The following FAT1 variants were observed in gnomAD, a reference collection of about 807,000 sequenced individuals.
The protein encoded by FAT1 is protocadherin Fat 1.
In FAT1, 171 loss-of-function variants were observed where a neutral mutation model predicts 329.8. The observed-to-expected ratio is 0.52, with a 90% CI of 0.46 to 0.59. The LOEUF (loss-of-function observed/expected upper bound fraction) is 0.59. FAT1 is among the 20% of genes least tolerant of loss of function. The pLI, the probability that FAT1 is intolerant of heterozygous loss-of-function variation, is 0.00. For missense variants in FAT1, 5,672 were observed against 5,774.4 expected (o/e 0.98, Z 0.57); for synonymous variants, 2,233 against 2,228.6 (o/e 1.00, Z -0.06).
intron 23 of FAT1, 80 bp from the exon 24 acceptor site, chr4:186,597,872 C>CCT: frequency 6.4e-7 from 1 of 1,561,500 alleles, no homozygotes; most frequent in Non-Finnish European, 8.8e-7. Context: ...CAAAACAGAA[C>CCT]ACATTAGCAA....
chr4:186,659,041 C>T (rs1283168579), intron 3 of FAT1, among the ~76,000 whole-genome samples: 1 of 152,222 alleles, frequency 6.6e-6, no homozygotes, highest in Non-Finnish European at 1.5e-5. Flanking sequence ...ACCGCACATA[C>T]GACCGTGGTT....
intron 1 of FAT1, among the ~76,000 whole-genome samples, chr4:186,713,613 T>C (rs1745070773): frequency 6.6e-6 from 1 of 152,216 alleles, no homozygotes; most frequent in Non-Finnish European, 1.5e-5. Context: ...ATATTTATAA[T>C]TCTTCTAGAA....
At position 186,706,900 on chromosome 4, in the gene FAT1, C is replaced by G. The variant is rs114279527; in HGVS notation, c.2928G>C (p.Val976=). The G allele has an allele frequency of 0.038, 61,140 of 1,613,954 alleles. 1,350 individuals are homozygous for G. The highest frequency in any genetic ancestry group is 0.055 in the Middle Eastern group (332 of 6,062). Reference sequence around the variant, plus strand: ...TCCTAACTGCTCCACTGAGTTTATCCACATCGAAGTTTCCTTCTCCGTGGT... The same window carrying G: ...TCCTAACTGCTCCACTGAGTTTATCGACATCGAAGTTTCCTTCTCCGTGGT... The part of the protein sequence containing the change: ...LLDHGEGNFD[V]DKLSGAVRIV... Residue 976 remains valine, a synonymous_variant, in exon 2 of 27, where the codon GTG becomes GTC. Transcript: ENST00000441802.
rs1374536933 is a variant in FAT1, at chr4:186,708,270, T to C, written c.1558A>G (p.Ser520Gly). 1 of 1,614,018 alleles carries C rather than the reference T, an allele frequency of 6.2e-7. No individual in the cohort carries two copies. Among genetic ancestry groups the C allele is most frequent in the Admixed American group, 1.7e-5 (1 of 60,022 alleles). Residue 520 changes from serine to glycine, a missense_variant, in exon 2 of 27, where the codon AGT (serine) becomes GGT (glycine). Ser to Gly is a moderately conservative substitution (Grantham distance 56). Transcript: ENST00000441802. ...TCGTAGTCCAGGTTTTCTGACGTAC[T>C]CACGGCACCAGTGAAATGGTCAATC... ...FAIDHFTGAV[S>G]TSENLDYELM...
rs753744492 is a variant in FAT1, at chr4:186,614,269, C to G, written c.9151G>C (p.Asp3051His). 6.2e-7 allele frequency: 1 copy of G among 1,604,128 alleles called. No homozygotes were observed. Among genetic ancestry groups the G allele is most frequent in the South Asian group, 1.1e-5 (1 of 88,726 alleles). ...LIMQISATDADIRSNAEITYT... is the reference protein window; with the variant it reads ...LIMQISATDAHIRSNAEITYT... ...GTAATTTCAGCGTTAGAGCGGATGT[C>G]TGCGTCTGTAGCAGAGATCTGCATG... The change falls in exon 12 of 27, where the codon GAC becomes CAC. Residue 3051 changes from aspartate (D) to histidine (H), a missense_variant. Physicochemically the swap from Asp to His is moderately conservative, Grantham distance 81. This residue lies in a region of FAT1 where 3,966 missense variants were observed against 3,915.2 expected (regional missense o/e 1.01). Coordinates refer to ENST00000441802, the MANE Select transcript of FAT1 (RefSeq NM_005245.4).
intron 1 of FAT1, among the ~76,000 whole-genome samples, chr4:186,716,627 A>C (rs1456732482): frequency 1.3e-5 from 2 of 152,216 alleles, no homozygotes; most frequent in Non-Finnish European, 2.9e-5. Flanking sequence ...CATGTTGCCC[A>C]GGCTGGTCTC....
Position 186,601,379 on chromosome 4 carries a change from G to C in FAT1, c.11530C>G (p.Leu3844Val). The C allele has an allele frequency of 6.2e-7, 1 of 1,613,514 alleles. No individual in the cohort carries two copies. The highest frequency in any genetic ancestry group is 8.5e-7 in the Non-Finnish European group (1 of 1,179,518). The change falls in exon 21 of 27, where the codon CTG (leucine) becomes GTG (valine). Residue 3844 changes from leucine to valine, a missense_variant. Coordinates refer to ENST00000441802, the MANE Select transcript of FAT1 (RefSeq NM_005245.4). ...TCTAATTTGTTTTCATTTTCCGTCA[G>C]ACGGTATTTCACGTAGCTGTTTCCA... Reference protein sequence around the residue: ...LTGNSYVKYRLTENENKLEMK... With the variant: ...LTGNSYVKYRVTENENKLEMK...
chr4:186,701,917 G>A (rs1158467375), intron 2 of FAT1, among the ~76,000 whole-genome samples: 3 of 152,180 alleles, frequency 2.0e-5, no homozygotes, highest in African/African-American at 7.2e-5. Context: ...CTGTAGAAAC[G>A]CACTCACCTG....
At position 186,709,159 on chromosome 4, in the gene FAT1, G is replaced by A. The variant is rs200782651; in HGVS notation, c.669C>T (p.Leu223=). The A allele has an allele frequency of 1.6e-4, 263 of 1,613,848 alleles. No homozygotes were observed. Among genetic ancestry groups the A allele is most frequent in the Non-Finnish European group, 2.0e-4 (238 of 1,179,892 alleles). Residue 223 remains leucine, a synonymous_variant, in exon 2 of 27, where the codon CTC becomes CTT. Transcript: ENST00000441802. ...ACAACTTCATGCCACGGTCCGCAGC[G>A]AGGATTTCCATCTCATAGAGCTTGG... ...LETKLYEMEI[L]AADRGMKLYG... is the part of the protein sequence containing the mutation.
Position 186,689,700 on chromosome 4 carries a change from T to C in FAT1, c.3265+16863A>G, listed in dbSNP as rs1743654473. On this transcript the variant is annotated intron_variant, in intron 2 of 26. Transcript: ENST00000441802. ...CTCATTGAATGTCCTTAGCCCAGGG[T>C]ATCTGGCACCCACCCACACCAGGCT... Among the ~76,000 whole-genome samples, 5 of 152,274 alleles carry C rather than the reference T, an allele frequency of 3.3e-5. No homozygotes were observed. In the South Asian group the frequency reaches 1.0e-3, roughly 32 times the overall value.
At chr4:186,597,893 A>T (rs2126400789) in intron 23 of FAT1, 79 bp downstream of exon 23, 1 of 1,571,152 alleles carries the variant, frequency 6.4e-7, no homozygotes, top group Admixed American at 1.8e-5. Context: ...ATTAACGTGC[A>T]GACTTTTTAC....
chr4:186,720,208 T>C (rs1481940769), intron 1 of FAT1, among the ~76,000 whole-genome samples: 2 of 152,248 alleles, frequency 1.3e-5, no homozygotes, highest in African/African-American at 2.4e-5. Flanking sequence ...CAAACATTAC[T>C]ATTTTCTTTG....
intron 3 of FAT1, among the ~76,000 whole-genome samples, chr4:186,655,123 A>C (rs1741844550): frequency 6.6e-6 from 1 of 152,228 alleles, no homozygotes; most frequent in Non-Finnish European, 1.5e-5. Context: ...AAATACAGGT[A>C]GCAGCTGTCA....
At chr4:186,685,303 T>TAAG (rs1560991246) in intron 2 of FAT1, among the ~76,000 whole-genome samples, 1 of 152,224 alleles carries the variant, frequency 6.6e-6, no homozygotes, top group Admixed American at 6.5e-5. Flanking sequence ...CAATAGCTGA[T>TAAG]AGGATACGGA....
chr4:186,618,971 T>G lies in FAT1; in HGVS notation c.7615A>C (p.Arg2539=), dbSNP rs1239739775. The part of the protein sequence containing the change: ...YHIVNDFAKD[R]FYINERGQIF... ...TGTCCTCTCTCATTTATGTAAAATC[T>G]GTCTTTGGCAAAGTCATTTACAATA... Residue 2539 remains arginine (R), a synonymous_variant, in exon 10 of 27, where the codon AGA becomes CGA. Transcript: ENST00000441802. The G allele has an allele frequency of 6.2e-7, 1 of 1,614,004 alleles. No individual in the cohort carries two copies. The highest frequency in any genetic ancestry group is 1.1e-5 in the South Asian group (1 of 91,078).
chr4:186,655,972 C>A (rs1741881278), intron 3 of FAT1, among the ~76,000 whole-genome samples: 1 of 152,210 alleles, frequency 6.6e-6, no homozygotes, highest in Non-Finnish European at 1.5e-5. Flanking sequence ...CCTGCAAAGG[C>A]AGTTTGGTAC....
rs376002194 is a variant in FAT1, at chr4:186,588,637, C to T, written c.13722G>A (p.Glu4574=). Reference sequence around the variant, plus strand: ...GGGAATCCAGGGGCGGGATCGTCACCTCTTCGAAGTGGCCGTCGTCCCCGC... The same window carrying T: ...GGGAATCCAGGGGCGGGATCGTCACTTCTTCGAAGTGGCCGTCGTCCCCGC... ...YESGDDGHFE[E]VTIPPLDSQQ... is the part of the protein sequence containing the mutation. The change falls in exon 27 of 27, where the codon GAG becomes GAA. Residue 4574 remains glutamate (E), a synonymous_variant. Transcript: ENST00000441802. 61 of 1,613,684 alleles carry T rather than the reference C, an allele frequency of 3.8e-5. No homozygotes were observed. Among genetic ancestry groups the T allele is most frequent in the Non-Finnish European group, 5.1e-5 (60 of 1,179,838 alleles).
intron 13 of FAT1, 88 bp downstream of exon 13, chr4:186,613,021 G>C (rs989636395): frequency 2.8e-4 from 221 of 797,872 alleles, no homozygotes; most frequent in Non-Finnish European, 4.1e-4. Flanking sequence ...GGAGTGAGTG[G>C]CACAGGCTGA....
chr4:186,648,394 C>A (rs142167354), intron 3 of FAT1, among the ~76,000 whole-genome samples: 2 of 152,102 alleles, frequency 1.3e-5, no homozygotes, highest in Non-Finnish European at 2.9e-5. Context: ...GCCTTATATA[C>A]ACTAATATAT....
Sources: allele counts gnomAD v4.1 joint callset (sites outside exome capture counted in the v4.1 genomes callset), GRCh38; gene constraint gnomAD v4.1.1; regional missense constraint gnomAD v4.1.1; transcripts MANE v1.5; gene names NCBI Gene and HGNC (gene_info 2026-07-23, HGNC 2026-07-21).